Variants in TCF4 observed in about 807,000 individuals in gnomAD.
TCF4 encodes the protein transcription factor 4.
A neutral mutation model predicts 82.1 loss-of-function variants in TCF4; 3 were observed. The observed-to-expected ratio is 0.04, with a 90% CI of 0.02 to 0.09. TCF4 has a LOEUF of 0.09. Among genes scored for constraint, TCF4 ranks in the 10% least tolerant of loss-of-function variants. TCF4 has a pLI of 1.00. For missense variants in TCF4, 518 were observed against 852.7 expected (o/e 0.61, Z 4.89); for synonymous variants, 276 against 309.6 (o/e 0.89, Z 1.14).
intron 5 of TCF4, among the ~76,000 whole-genome samples, chr18:55,442,583 T>C (rs1406261845): frequency 6.6e-6 from 1 of 152,168 alleles, no homozygotes; most frequent in Non-Finnish European, 1.5e-5. Flanking sequence ...TGGGTGCCAA[T>C]GCAAAAAATA....
chr18:55,247,937 T>C (rs2053806554), intron 15 of TCF4, among the ~76,000 whole-genome samples: 1 of 152,160 alleles, frequency 6.6e-6, no homozygotes, highest in South Asian at 2.1e-4. Context: ...AAAATGGACT[T>C]TGTGGGCATT....
intron 5 of TCF4, among the ~76,000 whole-genome samples, chr18:55,438,490 A>G (rs1359329628): frequency 6.6e-6 from 1 of 152,212 alleles, no homozygotes; most frequent in Non-Finnish European, 1.5e-5. Flanking sequence ...CAAATGTGAA[A>G]AAAGAAAGTG....
At chr18:55,555,632 T>A (rs943149139) in intron 3 of TCF4, among the ~76,000 whole-genome samples, 6 of 152,212 alleles carry the variant, frequency 3.9e-5, no homozygotes, top group African/African-American at 7.2e-5. Flanking sequence ...TGCGTTCTCA[T>A]AAAAACTGTT....
chr18:55,547,369 T>C (rs1174402659), intron 3 of TCF4, among the ~76,000 whole-genome samples: 3 of 152,220 alleles, frequency 2.0e-5, no homozygotes, highest in African/African-American at 7.2e-5. Flanking sequence ...ACAGCCATGT[T>C]ATATTTACAA....
intron 3 of TCF4, among the ~76,000 whole-genome samples, chr18:55,547,979 C>G (rs1339684248): frequency 6.6e-6 from 1 of 151,978 alleles, no homozygotes; most frequent in Non-Finnish European, 1.5e-5. Context: ...CCTCACCAAC[C>G]CCATCCTCCC....
chr18:55,388,423 T>C (rs899076522), intron 6 of TCF4, among the ~76,000 whole-genome samples: 1 of 152,250 alleles, frequency 6.6e-6, no homozygotes, highest in Non-Finnish European at 1.5e-5. Flanking sequence ...CACCACGCTA[T>C]TGCAACTGGT....
intron 3 of TCF4, among the ~76,000 whole-genome samples, chr18:55,581,019 T>C (rs953837422): frequency 2.0e-5 from 3 of 152,062 alleles, no homozygotes; most frequent in Non-Finnish European, 2.9e-5. Flanking sequence ...ACCCACACTA[T>C]TATTTTACCC....
At chr18:55,437,339 A>G (rs2095350475) in intron 5 of TCF4, among the ~76,000 whole-genome samples, 1 of 152,244 alleles carries the variant, frequency 6.6e-6, no homozygotes, top group Admixed American at 6.5e-5. Context: ...CTTTAGGGCC[A>G]GTAGATTAAA....
intron 19 of TCF4, 69 bp downstream of exon 19, chr18:55,228,152 C>T: frequency 6.2e-7 from 1 of 1,601,582 alleles, no homozygotes; most frequent in South Asian, 1.1e-5. Context: ...GTGAAATTCA[C>T]TTTTATGGCT....
At chr18:55,550,245 T>C (rs765993865) in intron 3 of TCF4, 6 of 152,252 alleles carry the variant, frequency 3.9e-5, no homozygotes, top group Non-Finnish European at 8.8e-5. Context: ...ATTATTTTAA[T>C]AGTTTCCTTT....
chr18:55,355,727 T>C (rs2083355418), intron 6 of TCF4, among the ~76,000 whole-genome samples: 1 of 152,150 alleles, frequency 6.6e-6, no homozygotes, highest in African/African-American at 2.4e-5. Flanking sequence ...CTTGGGTAAC[T>C]TACAAAGACC....
chr18:55,490,396 G>A (rs945126319), intron 3 of TCF4, among the ~76,000 whole-genome samples: 3 of 152,052 alleles, frequency 2.0e-5, no homozygotes, highest in Admixed American at 2.0e-4. Context: ...TATATGGCAG[G>A]AGTAATATAC....
At chr18:55,527,047 G>GT (rs2096992726) in intron 3 of TCF4, among the ~76,000 whole-genome samples, 1 of 152,106 alleles carries the variant, frequency 6.6e-6, no homozygotes, top group African/African-American at 2.4e-5. Flanking sequence ...AGGCAAAATT[G>GT]TGCACCACTT....
chr18:55,254,473 G>T, intron 15 of TCF4, 24 bp downstream of exon 15: 1 of 1,604,058 alleles, frequency 6.2e-7, no homozygotes, highest in South Asian at 1.1e-5. Flanking sequence ...GATAACTATA[G>T]AGTCTATAAA....
chr18:55,302,451 C>G (rs972335771), intron 8 of TCF4: 10 of 1,536,144 alleles, frequency 6.5e-6, no homozygotes, highest in Middle Eastern at 1.7e-4. Context: ...CAACATAGCC[C>G]TGTATCTGAG....
At chr18:55,619,571 T>C (rs898179772) in intron 2 of TCF4, among the ~76,000 whole-genome samples, 1 of 152,210 alleles carries the variant, frequency 6.6e-6, no homozygotes, top group Admixed American at 6.5e-5. Flanking sequence ...TTTGAAAATA[T>C]ATACATATCC....
chr18:55,453,042 G>C (rs2095656516), intron 5 of TCF4, among the ~76,000 whole-genome samples: 1 of 152,034 alleles, frequency 6.6e-6, no homozygotes. Context: ...ATTGAACACT[G>C]CAAGTTAGTA....
chr18:55,455,198 AAAAAAGAAAAG>A, intron 5 of TCF4, among the ~76,000 whole-genome samples: 1 of 149,564 alleles, frequency 6.7e-6, no homozygotes, highest in Admixed American at 6.7e-5. Flanking sequence ...AAAAAAAAAA[AAAAAAGAAAAG>A]AAAAAGAAGA....
chr18:55,588,391 C>G, upstream of TCF4: 1 of 1,533,098 alleles, frequency 6.5e-7, no homozygotes, highest in Non-Finnish European at 8.7e-7. Context: ...CCCCTCGCAC[C>G]CACCCCGAGG....
Sources: allele counts gnomAD v4.1 joint callset (sites outside exome capture counted in the v4.1 genomes callset), GRCh38; gene constraint gnomAD v4.1.1; transcripts MANE v1.5; gene names NCBI Gene and HGNC (gene_info 2026-07-23, HGNC 2026-07-21).